Variants in GALNT10 observed in about 807,000 individuals in gnomAD.
The protein encoded by GALNT10 is polypeptide N-acetylgalactosaminyltransferase 10, also known as GalNAc transferase 10.
A neutral mutation model predicts 75.0 loss-of-function variants in GALNT10; 41 were observed. The observed-to-expected ratio is 0.55, with a 90% CI of 0.43 to 0.71. The LOEUF is 0.71. GALNT10 is among the 30% of genes least tolerant of loss of function. GALNT10 has a pLI of 0.00. For missense variants in GALNT10, 727 were observed against 818.5 expected (o/e 0.89, Z 1.36); for synonymous variants, 302 against 313.0 (o/e 0.96, Z 0.37).
At chr5:154,369,375 G>A (rs1183823195) in intron 4 of GALNT10, among the ~76,000 whole-genome samples, 2 of 152,060 alleles carry the variant, frequency 1.3e-5, no homozygotes, top group Non-Finnish European at 2.9e-5. Flanking sequence ...GTGACAAAGT[G>A]AGACCTCGTC....
chr5:154,262,526 A>G (rs1439749599), intron 1 of GALNT10, among the ~76,000 whole-genome samples: 1 of 152,198 alleles, frequency 6.6e-6, no homozygotes, highest in African/African-American at 2.4e-5. Flanking sequence ...ACCAAGGGCC[A>G]CTTGAAGCAG....
chr5:154,352,680 T>C lies in GALNT10; in HGVS notation c.568+22942T>C, dbSNP rs971041916. On this transcript the variant is annotated intron_variant, in intron 4 of 11. Transcript: ENST00000297107. The surrounding 1 kb of genome is among the most constrained non-coding windows in gnomAD (Gnocchi z 4.4). ...AAGAGAGGAATTGGCCTTGGACCTG[T>C]CCCTGTCCTGTGCCATTTTTGAAAA... Among the ~76,000 whole-genome samples, 2 of 152,176 alleles carry C rather than the reference T, an allele frequency of 1.3e-5. No individual in the cohort carries two copies. The highest frequency in any genetic ancestry group is 4.8e-5 in the African/African-American group (2 of 41,440).
chr5:154,317,875 C>G (rs1754618087), intron 3 of GALNT10, among the ~76,000 whole-genome samples: 1 of 152,256 alleles, frequency 6.6e-6, no homozygotes, highest in African/African-American at 2.4e-5. Flanking sequence ...CTCTCTCCAA[C>G]TCTTGGCTCT....
chr5:154,280,626 G>A (rs148445856), intron 1 of GALNT10, among the ~76,000 whole-genome samples: 69 of 152,256 alleles, frequency 4.5e-4, no homozygotes, highest in African/African-American at 1.5e-3. Flanking sequence ...TTAAACAACC[G>A]AAGTTTTCAA....
chr5:154,295,411 A>G (rs1159051993), intron 2 of GALNT10, among the ~76,000 whole-genome samples: 1 of 148,092 alleles, frequency 6.8e-6, no homozygotes, highest in East Asian at 1.9e-4. Context: ...TGGCGCTAAG[A>G]GGGGTGGTAA....
intron 4 of GALNT10, among the ~76,000 whole-genome samples, chr5:154,348,857 C>T (rs904019030): frequency 2.0e-5 from 3 of 152,158 alleles, no homozygotes; most frequent in East Asian, 1.9e-4. Flanking sequence ...TCTAAATCTT[C>T]TCCCTTACTG....
chr5:154,232,792 G>A (rs568258479), intron 1 of GALNT10, among the ~76,000 whole-genome samples: 2 of 152,180 alleles, frequency 1.3e-5, no homozygotes, highest in Non-Finnish European at 2.9e-5. Context: ...AAAGTGTTGA[G>A]TAGCTACAAC....
intron 1 of GALNT10, among the ~76,000 whole-genome samples, chr5:154,281,131 G>C (rs1376996449): frequency 6.6e-6 from 1 of 152,174 alleles, no homozygotes; most frequent in Non-Finnish European, 1.5e-5. Flanking sequence ...AGAGTAACTT[G>C]AGTTGATAGA....
At chr5:154,414,077 C>G (rs1370941023) in intron 10 of GALNT10, among the ~76,000 whole-genome samples, 1 of 152,098 alleles carries the variant, frequency 6.6e-6, no homozygotes, top group Non-Finnish European at 1.5e-5. Context: ...ATAGAACTTG[C>G]AATTACAAGG....
intron 7 of GALNT10, among the ~76,000 whole-genome samples, chr5:154,400,054 C>T (rs1756125703): frequency 6.6e-6 from 1 of 152,134 alleles, no homozygotes; most frequent in Non-Finnish European, 1.5e-5. Context: ...AGGAGGGTCA[C>T]TTAAGCCCAT....
chr5:154,292,357 A>G (rs1051309713), intron 1 of GALNT10, among the ~76,000 whole-genome samples: 22 of 152,224 alleles, frequency 1.4e-4, no homozygotes, highest in Admixed American at 1.1e-3. Context: ...GGTGGCACCC[A>G]TCCTGTCCTC....
chr5:154,380,187 T>C (rs1582000811), intron 5 of GALNT10, among the ~76,000 whole-genome samples: 1 of 152,358 alleles, frequency 6.6e-6, no homozygotes, highest in East Asian at 1.9e-4. Context: ...GAGCCTCTTC[T>C]TAACCCATTG....
chr5:154,201,557 A>G (rs1315284043), intron 1 of GALNT10, among the ~76,000 whole-genome samples: 1 of 152,122 alleles, frequency 6.6e-6, no homozygotes, highest in African/African-American at 2.4e-5. Flanking sequence ...TTTCAGGTCT[A>G]CCCTGTCTAA....
chr5:154,324,609 G>C (rs1186236106), intron 3 of GALNT10, among the ~76,000 whole-genome samples: 1 of 152,194 alleles, frequency 6.6e-6, no homozygotes, highest in African/African-American at 2.4e-5. Context: ...TGAATATTTT[G>C]GGGTAATGAT....
At chr5:154,243,534 G>C (rs7720410) in intron 1 of GALNT10, among the ~76,000 whole-genome samples, 96,289 of 151,968 alleles carry the variant, frequency 0.63, 31,131 homozygotes, top group East Asian at 0.86. Flanking sequence ...GGATTTGACT[G>C]CTGTTCTGCC....
chr5:154,355,456 C>T (rs1670725992), intron 4 of GALNT10, among the ~76,000 whole-genome samples: 1 of 152,354 alleles, frequency 6.6e-6, no homozygotes, highest in Non-Finnish European at 1.5e-5. Flanking sequence ...TTTGCTCCCC[C>T]TCCCATTCCG....
intron 1 of GALNT10, among the ~76,000 whole-genome samples, chr5:154,196,351 T>G (rs1045457237): frequency 6.6e-6 from 1 of 152,226 alleles, no homozygotes; most frequent in Non-Finnish European, 1.5e-5. Flanking sequence ...CAGAGAGAAC[T>G]TGAGCCTAAG....
chr5:154,344,069 C>T (rs138190840), intron 4 of GALNT10, among the ~76,000 whole-genome samples: 139 of 152,252 alleles, frequency 9.1e-4, no homozygotes, highest in African/African-American at 3.1e-3. Flanking sequence ...ATTAGAATCA[C>T]GCTCCTTGAA....
intron 3 of GALNT10, among the ~76,000 whole-genome samples, chr5:154,304,239 G>A (rs983273888): frequency 2.0e-5 from 3 of 152,024 alleles, no homozygotes; most frequent in Non-Finnish European, 2.9e-5. Context: ...CTTCCAAATT[G>A]GATAACAACT....
Sources: gnomAD v4.1 joint callset for allele counts (sites outside exome capture counted in the v4.1 genomes callset) on GRCh38, gnomAD v4.1.1 for gene constraint, Gnocchi (gnomAD v3.1) non-coding constraint, MANE v1.5 for transcripts, NCBI Gene and HGNC (gene_info 2026-07-23, HGNC 2026-07-21) for gene names.